KCNJ6: variants seen among roughly 807,000 people sequenced by gnomAD.
The protein encoded by KCNJ6 is G protein-activated inward rectifier potassium channel 2.
A neutral mutation model predicts 34.2 loss-of-function variants in KCNJ6; 9 were observed. The observed-to-expected ratio is 0.26, with a 90% CI of 0.16 to 0.46. KCNJ6 has a LOEUF of 0.46. Among genes scored for constraint, KCNJ6 ranks in the 20% least tolerant of loss-of-function variants. The pLI is 1.00. For missense variants in KCNJ6, 236 were observed against 531.3 expected (o/e 0.44, Z 5.46); for synonymous variants, 196 against 207.1 (o/e 0.95, Z 0.46).
intron 2 of KCNJ6, among the ~76,000 whole-genome samples, chr21:37,723,349 G>A (rs947971177): frequency 1.3e-5 from 2 of 152,158 alleles, no homozygotes; most frequent in African/African-American, 2.4e-5. Context: ...GTTTAGCCAC[G>A]GTGGAAAGCA....
At chr21:37,640,089 C>T (rs2054374490) in intron 3 of KCNJ6, among the ~76,000 whole-genome samples, 1 of 152,216 alleles carries the variant, frequency 6.6e-6, no homozygotes, top group Admixed American at 6.5e-5. Context: ...ATAAGCAAAG[C>T]AAACATATAT....
In KCNJ6 at chr21:37,717,910, C is replaced by T. The variant is rs180826258; in HGVS notation, c.26-2779G>A. ...TCCATCTCCAATTTGTAGGCTTTATCCCTTTTCTGACTAAACTGCAAACCC... is the reference window on the plus strand; with the variant it reads ...TCCATCTCCAATTTGTAGGCTTTATTCCTTTTCTGACTAAACTGCAAACCC... On this transcript the variant is annotated intron_variant, in intron 2 of 3. Coordinates refer to ENST00000609713, the MANE Select transcript of KCNJ6 (RefSeq NM_002240.5). 1.0e-3 allele frequency among the ~76,000 whole-genome samples: 152 copies of T among 152,330 alleles called. 2 individuals carry two copies. The highest frequency in any genetic ancestry group is 4.4e-4 in the Non-Finnish European group (30 of 68,024).
intron 2 of KCNJ6, among the ~76,000 whole-genome samples, chr21:37,749,022 G>A (rs2054981344): frequency 6.6e-6 from 1 of 152,200 alleles, no homozygotes; most frequent in East Asian, 1.9e-4. Flanking sequence ...GTGTATGCAT[G>A]TGTGTATGTA....
chr21:37,633,723 A>T lies in KCNJ6; in HGVS notation c.947-8239T>A, dbSNP rs548913213. On this transcript the variant is annotated intron_variant, in intron 3 of 3. Coordinates refer to ENST00000609713, the MANE Select transcript of KCNJ6 (RefSeq NM_002240.5). Reference sequence around the variant, plus strand: ...ACCATTTCCTCTAGCAACAAAAAAAACCCTAGAAATCAATCTAATAATAGA... The same window carrying T: ...ACCATTTCCTCTAGCAACAAAAAAATCCCTAGAAATCAATCTAATAATAGA... Among the ~76,000 whole-genome samples, 5 of 152,088 alleles carry T rather than the reference A, an allele frequency of 3.3e-5. No individual in the cohort carries two copies. The South Asian group carries it at 1.0e-3, about 32-fold the overall frequency.
At chr21:37,734,883 G>A (rs893480128) in intron 2 of KCNJ6, among the ~76,000 whole-genome samples, 7 of 152,108 alleles carry the variant, frequency 4.6e-5, no homozygotes, top group Non-Finnish European at 1.0e-4. Flanking sequence ...TTGAGCTTAG[G>A]ATAACCTACG....
At chr21:37,651,284 A>G (rs1469421597) in intron 3 of KCNJ6, among the ~76,000 whole-genome samples, 1 of 152,216 alleles carries the variant, frequency 6.6e-6, no homozygotes, top group African/African-American at 2.4e-5. Flanking sequence ...AGGTGAGGCT[A>G]AAGAGGAGAG....
At chr21:37,816,961 C>A (rs575861863) in intron 2 of KCNJ6, among the ~76,000 whole-genome samples, 62 of 152,304 alleles carry the variant, frequency 4.1e-4, no homozygotes, top group African/African-American at 1.5e-3. Context: ...CTGGGAGTTT[C>A]TCTTGCCATG....
chr21:37,787,793 A>T (rs1162493695), intron 2 of KCNJ6, among the ~76,000 whole-genome samples: 1 of 152,242 alleles, frequency 6.6e-6, no homozygotes, highest in Non-Finnish European at 1.5e-5. Flanking sequence ...AAAGAACTGG[A>T]AAAGGAAGTA....
intron 1 of KCNJ6, among the ~76,000 whole-genome samples, chr21:37,869,788 AACCT>A: frequency 6.6e-6 from 1 of 152,316 alleles, no homozygotes; most frequent in Non-Finnish European, 1.5e-5. Context: ...CAGCCTGGAA[AACCT>A]ACTCATCCCC....
At position 37,618,105 on chromosome 21, in the gene KCNJ6, T is replaced by G. The variant is rs972288556; in HGVS notation, c.*7054A>C. On this transcript the variant is annotated 3_prime_UTR_variant, in exon 4 of 4. Transcript: ENST00000609713. ...GTATTTCTCATACCCATGCCCACAG[T>G]CAGCAATGCTGAGAGATGATGTCAG... The G allele has an allele frequency of 6.6e-6, 1 of 152,246 alleles. No homozygotes were observed. Among genetic ancestry groups the G allele is most frequent in the African/African-American group, 2.4e-5 (1 of 41,458 alleles). The allele number at this position is 152,246 out of a possible 1,614,324, so 9.4% of individuals were successfully genotyped here. A position where few individuals can be genotyped will look rare whatever the true frequency, so the allele number is the denominator to read the frequency against.
intron 3 of KCNJ6, among the ~76,000 whole-genome samples, chr21:37,655,236 AG>A (rs2054457068): frequency 6.9e-3 from 21 of 3,024 alleles, no homozygotes; most frequent in Non-Finnish European, 0.014. Flanking sequence ...AGAGAGAGAG[AG>A]AGAGAGAGAG....
chr21:37,903,848 TTA>T (rs1674676661), intron 1 of KCNJ6, among the ~76,000 whole-genome samples: 1 of 152,116 alleles, frequency 6.6e-6, no homozygotes, highest in South Asian at 2.1e-4. Flanking sequence ...TCAAATGAGG[TTA>T]TGATTTTTCA....
chr21:37,618,669 C>A lies in KCNJ6; in HGVS notation c.*6490G>T, dbSNP rs935273111. 2 of 152,158 alleles carry A rather than the reference C, an allele frequency of 1.3e-5. No homozygotes were observed. The highest frequency in any genetic ancestry group is 1.5e-5 in the Non-Finnish European group (1 of 68,028). 9.4% of individuals were successfully genotyped at this position (152,158 alleles called of 1,614,324 possible). On this transcript the variant is annotated 3_prime_UTR_variant, in exon 4 of 4. Transcript: ENST00000609713. ...TATGTGGCCACAATTCTCCGGCCAA[C>A]CACAGTGCATGTTGGGATTTGCATC...
intron 1 of KCNJ6, among the ~76,000 whole-genome samples, chr21:37,846,701 G>T (rs2055510292): frequency 1.3e-5 from 2 of 152,068 alleles, no homozygotes; most frequent in Admixed American, 1.3e-4. Context: ...AGAAAACTGT[G>T]ATTTTTTTCC....
chr21:37,841,029 A>AT (rs1193560029), intron 1 of KCNJ6, among the ~76,000 whole-genome samples: 4 of 151,238 alleles, frequency 2.6e-5, no homozygotes, highest in African/African-American at 9.7e-5. Context: ...CCATATGCCA[A>AT]TTTTTTTTTC....
chr21:37,790,578 G>A (rs2055212139), intron 2 of KCNJ6, among the ~76,000 whole-genome samples: 1 of 152,174 alleles, frequency 6.6e-6, no homozygotes, highest in South Asian at 2.1e-4. Context: ...CTCAGTGGGG[G>A]CAGAGTCAGG....
At chr21:37,698,545 T>C (rs2054674462) in intron 3 of KCNJ6, among the ~76,000 whole-genome samples, 1 of 152,228 alleles carries the variant, frequency 6.6e-6, no homozygotes, top group Non-Finnish European at 1.5e-5. Flanking sequence ...GTTGTTGTTG[T>C]TTGAGACAGG....
intron 2 of KCNJ6, among the ~76,000 whole-genome samples, chr21:37,736,125 G>GA (rs773856825): frequency 1.3e-5 from 2 of 152,174 alleles, no homozygotes; most frequent in Non-Finnish European, 1.5e-5. Context: ...CACAGGCTTG[G>GA]AGCCCCATCT....
chr21:37,626,268 C>G (rs887385859), intron 3 of KCNJ6, among the ~76,000 whole-genome samples: 2 of 151,880 alleles, frequency 1.3e-5, no homozygotes, highest in Non-Finnish European at 2.9e-5. Flanking sequence ...GCAGCTGGGA[C>G]TACAGGTGCA....
Sources: allele counts gnomAD v4.1 joint callset (sites outside exome capture counted in the v4.1 genomes callset), GRCh38; gene constraint gnomAD v4.1.1; transcripts MANE v1.5; gene names NCBI Gene and HGNC (gene_info 2026-07-23, HGNC 2026-07-21).